DAB2IP: variants seen among roughly 807,000 people sequenced by gnomAD.
DAB2IP encodes DAB2 interacting protein.
Under a neutral mutation model 107.2 loss-of-function variants are expected in DAB2IP, and 28 were observed. That is an observed-to-expected ratio of 0.26 (90% CI 0.19 to 0.36). DAB2IP has a LOEUF of 0.36. Ranked by LOEUF, DAB2IP falls within the 10% of genes least tolerant of loss-of-function variation. The pLI is 1.00. For synonymous variants in DAB2IP, 755 were observed against 706.4 expected (o/e 1.07, Z -1.09); for missense variants, 1,400 against 1,644.7 (o/e 0.85, Z 2.57).
intron 1 of DAB2IP, among the ~76,000 whole-genome samples, chr9:121,604,132 G>A (rs1276267300): frequency 6.6e-6 from 1 of 152,074 alleles, no homozygotes. Flanking sequence ...AAGGGGGAGC[G>A]TGGGGGCACT....
At chr9:121,780,965 C>T (rs896302899) in intron 14 of DAB2IP, among the ~76,000 whole-genome samples, 9 of 152,202 alleles carry the variant, frequency 5.9e-5, no homozygotes, top group Non-Finnish European at 1.0e-4. Flanking sequence ...GCAGCTGCTC[C>T]GTGCAGGGTG....
chr9:121,664,505 T>TA (rs1833337993), intron 1 of DAB2IP, among the ~76,000 whole-genome samples: 6 of 152,240 alleles, frequency 3.9e-5, no homozygotes, highest in Admixed American at 3.3e-4. Flanking sequence ...TAAGCAATAC[T>TA]GAGTTTTCCA....
In DAB2IP at chr9:121,567,079, T is replaced by C. The variant is rs904980003; in HGVS notation, c.-110T>C. The C allele has an allele frequency of 2.6e-5, 37 of 1,406,356 alleles. No individual in the cohort carries two copies. In the African/African-American group the frequency reaches 3.6e-4, roughly 14 times the overall value. The allele number at this position is 1,406,356 out of a possible 1,614,324, so 87.1% of individuals were successfully genotyped here. ...GCCTGCTTGCAGGAATACCCAGTCA[T>C]CTAGTTGGAAAAGCCGCCAGATGGA... On this transcript the variant is annotated 5_prime_UTR_variant, in exon 1 of 17. Transcript: ENST00000259371.
chr9:121,585,237 G>A (rs1322343488), intron 1 of DAB2IP, among the ~76,000 whole-genome samples: 1 of 152,196 alleles, frequency 6.6e-6, no homozygotes, highest in Non-Finnish European at 1.5e-5. Context: ...GTCAATGAGA[G>A]CACAGAGTCG....
intron 1 of DAB2IP, among the ~76,000 whole-genome samples, chr9:121,577,065 C>T (rs1830077740): frequency 6.6e-6 from 1 of 152,202 alleles, no homozygotes; most frequent in African/African-American, 2.4e-5. Flanking sequence ...CTGAGGACAT[C>T]TCTCGGGCTC....
intron 3 of DAB2IP, among the ~76,000 whole-genome samples, chr9:121,707,885 C>T (rs892645066): frequency 3.3e-5 from 5 of 152,192 alleles, no homozygotes; most frequent in Admixed American, 6.5e-5. Flanking sequence ...TTCTTACTCC[C>T]GTTTGTGCTT....
intron 3 of DAB2IP, among the ~76,000 whole-genome samples, chr9:121,731,618 C>T (rs1831543542): frequency 6.6e-6 from 1 of 152,238 alleles, no homozygotes; most frequent in Non-Finnish European, 1.5e-5. Context: ...GCTGGGCTTG[C>T]CCCAAGAATG....
chr9:121,678,851 G>A lies in DAB2IP; in HGVS notation c.228+70G>A, dbSNP rs10985353. 2.4e-3 allele frequency: 3,273 copies of A among 1,366,834 alleles called. 11 individuals carry two copies. Among genetic ancestry groups the A allele is most frequent in the Non-Finnish European group, 3.0e-3 (3,131 of 1,027,504 alleles). The allele number at this position is 1,366,834 out of a possible 1,614,324, so 84.7% of individuals were successfully genotyped here. A position where few individuals can be genotyped will look rare whatever the true frequency, so the allele number is the denominator to read the frequency against. On this transcript the variant is annotated intron_variant, in intron 2 of 15. Coordinates refer to ENST00000408936, the Ensembl canonical transcript of DAB2IP. ...ACCACCTCGCCCGGGGTGCTGCTCT[G>A]TGACCCCACGGCCCCCCTTCCTGGA... is the stretch of plus-strand genomic sequence containing the variant.
Position 121,767,070 on chromosome 9 carries a change from A to C in DAB2IP, c.1697+340A>C, listed in dbSNP as rs1264418995. Reference sequence around the variant, plus strand: ...AAGCCCTGTTTTGAAATAAATGACTAATATTCCTCCAAGGGGGACTGGCCC... The same window carrying C: ...AAGCCCTGTTTTGAAATAAATGACTCATATTCCTCCAAGGGGGACTGGCCC... On this transcript the variant is annotated intron_variant, in intron 9 of 15. Transcript: ENST00000408936. Among the ~76,000 whole-genome samples the C allele has an allele frequency of 3.9e-5, 6 of 152,246 alleles. No individual in the cohort carries two copies. The South Asian group carries it at 1.0e-3, about 26-fold the overall frequency.
At chr9:121,567,391 A>G (rs1301540466) in intron 1 of DAB2IP, among the ~76,000 whole-genome samples, 3 of 152,128 alleles carry the variant, frequency 2.0e-5, no homozygotes, top group Admixed American at 2.0e-4. Flanking sequence ...TTGGGCTATG[A>G]GACTCAGGGC....
At chr9:121,733,556 C>T (rs796179868) in intron 3 of DAB2IP, among the ~76,000 whole-genome samples, 7 of 152,282 alleles carry the variant, frequency 4.6e-5, no homozygotes, top group African/African-American at 7.2e-5. Flanking sequence ...CCATCACTCA[C>T]GTATGGAATC....
Position 121,615,636 on chromosome 9 carries a change from T to C in DAB2IP, c.40+48408T>C, listed in dbSNP as rs1831244814. Among the ~76,000 whole-genome samples the C allele has an allele frequency of 2.6e-5, 4 of 151,920 alleles. No individual in the cohort carries two copies. In the South Asian group the frequency reaches 8.3e-4, roughly 32 times the overall value. On this transcript the variant is annotated intron_variant, in intron 1 of 16. Transcript: ENST00000259371. ...GCTTTCAAATAACTTTCTTTCTTTTTTTTTTTTTTTGAGACAGTCTCACTT... is the reference window on the plus strand; with the variant it reads ...GCTTTCAAATAACTTTCTTTCTTTTCTTTTTTTTTTGAGACAGTCTCACTT...
At chr9:121,689,165 A>C (rs1424032132) in intron 2 of DAB2IP, among the ~76,000 whole-genome samples, 1 of 152,132 alleles carries the variant, frequency 6.6e-6, no homozygotes, top group Non-Finnish European at 1.5e-5. Context: ...GTGGTAGCGC[A>C]TGCCTGTAAC....
chr9:121,763,448 G>C lies in DAB2IP; in HGVS notation c.1171-57G>C, dbSNP rs201481516. Reference sequence around the variant, plus strand: ...TTCTCTGGCTAGGTCTGGAATCCTAGGGCCCTCCATGCCAGGCCAGCTCAG... The same window carrying C: ...TTCTCTGGCTAGGTCTGGAATCCTACGGCCCTCCATGCCAGGCCAGCTCAG... On this transcript the variant is annotated intron_variant, in intron 6 of 15. Coordinates refer to ENST00000408936, the Ensembl canonical transcript of DAB2IP. 827 of 1,556,808 alleles carry C rather than the reference G, an allele frequency of 5.3e-4. 5 individuals are homozygous for C. Among genetic ancestry groups the C allele is most frequent in the South Asian group, 3.3e-3 (266 of 80,828 alleles).
At chr9:121,734,549 A>G (rs1414525048) in intron 3 of DAB2IP, among the ~76,000 whole-genome samples, 4 of 152,230 alleles carry the variant, frequency 2.6e-5, no homozygotes, top group African/African-American at 9.6e-5. Context: ...ATGCAGGCTC[A>G]TTTCTTGTTA....
At chr9:121,589,978 C>CCCTTCCCTTT in intron 1 of DAB2IP, among the ~76,000 whole-genome samples, 3 of 91,368 alleles carry the variant, frequency 3.3e-5, no homozygotes, top group Non-Finnish European at 6.7e-5. Context: ...CCCTTCCCTT[C>CCCTTCCCTTT]CCTTCCCTTC....
At chr9:121,696,473 G>A (rs1255327897) in intron 2 of DAB2IP, among the ~76,000 whole-genome samples, 1 of 152,216 alleles carries the variant, frequency 6.6e-6, no homozygotes, top group Non-Finnish European at 1.5e-5. Flanking sequence ...GGCTGTAGCT[G>A]CCTCCAGAAA....
chr9:121,668,157 A>G (rs994363739), intron 1 of DAB2IP, among the ~76,000 whole-genome samples: 8 of 151,976 alleles, frequency 5.3e-5, no homozygotes, highest in African/African-American at 9.7e-5. Context: ...TTGAGTGGGA[A>G]CACAGAGCCA....
intron 3 of DAB2IP, among the ~76,000 whole-genome samples, chr9:121,714,331 C>T (rs1830483779): frequency 6.6e-6 from 1 of 152,142 alleles, no homozygotes; most frequent in South Asian, 2.1e-4. Flanking sequence ...ATAGCAAATG[C>T]ATTGTGAGAT....
Sources: allele counts gnomAD v4.1 joint callset (sites outside exome capture counted in the v4.1 genomes callset), GRCh38; gene constraint gnomAD v4.1.1; transcripts MANE v1.5; gene names NCBI Gene and HGNC (gene_info 2026-07-23, HGNC 2026-07-21).